The following SLC8A1 variants were observed in gnomAD, a reference collection of about 807,000 sequenced individuals.
SLC8A1 encodes the protein solute carrier family 8 member A1, also known as sodium/calcium exchanger 1.
Under a neutral mutation model 68.3 loss-of-function variants are expected in SLC8A1, and 18 were observed. The observed-to-expected ratio is 0.26, with a 90% CI of 0.18 to 0.39. SLC8A1 has a LOEUF of 0.39. Among genes scored for constraint, SLC8A1 ranks in the 10% least tolerant of loss-of-function variants. The pLI is 1.00. For missense variants in SLC8A1, 985 were observed against 1,156.7 expected, an observed-to-expected ratio of 0.85 and a Z score of 2.15; for synonymous variants, 475 against 415.5, an observed-to-expected ratio of 1.14 and a Z score of -1.74.
rs180860520 is a variant in SLC8A1 at position 40,497,135 on chromosome 2, A to G, written c.-25+15214T>C. On this transcript the variant is annotated intron_variant, in intron 1 of 7. Transcript: ENST00000402441. ...GGACTTTAGAATGCAAAGAAAAAAT[A>G]GGATTATTAAAATTAGTTTAACAGC... Among the ~76,000 whole-genome samples, 1,174 of 152,272 alleles carry G rather than the reference A, an allele frequency of 7.7e-3. 3 individuals are homozygous for G. The highest frequency in any genetic ancestry group is 0.012 in the Non-Finnish European group (784 of 68,004).
intron 2 of SLC8A1, among the ~76,000 whole-genome samples, chr2:40,239,077 G>T (rs990734274): frequency 6.6e-6 from 1 of 151,866 alleles, no homozygotes; most frequent in African/African-American, 2.4e-5. Context: ...TTTTATGGAG[G>T]CTTCTAAATT....
chr2:40,427,635 G>A (rs566877899), intron 2 of SLC8A1, among the ~76,000 whole-genome samples: 4 of 152,088 alleles, frequency 2.6e-5, no homozygotes, highest in African/African-American at 9.7e-5. Flanking sequence ...CTCAGTCGAA[G>A]AATCACTTAA....
At position 40,200,173 on chromosome 2, in the gene SLC8A1, G is replaced by GAGATATATAT. The variant is rs1553407546; in HGVS notation, c.1809-22319_1809-22318insATATATATCT. Among the ~76,000 whole-genome samples, 9 of 4,750 alleles carry GAGATATATAT rather than the reference G, an allele frequency of 1.9e-3. 1 individual carries two copies. The highest frequency in any genetic ancestry group is 4.7e-3 in the Non-Finnish European group (6 of 1,274). The allele number at this position is 4,750 out of a possible 152,430, so 3.1% of individuals were successfully genotyped here. On this transcript the variant is annotated intron_variant, in intron 2 of 7. Coordinates refer to ENST00000406785, the Ensembl canonical transcript of SLC8A1. ...AGCACATAGAGGATTTCAAGTCATTGATATATATATATATATATTTATATA... is the reference window on the plus strand; with the variant it reads ...AGCACATAGAGGATTTCAAGTCATTGAGATATATATATATATATATATATATATTTATATA...
chr2:40,142,198 C>T (rs1251710488), intron 6 of SLC8A1, among the ~76,000 whole-genome samples: 1 of 151,858 alleles, frequency 6.6e-6, no homozygotes, highest in Non-Finnish European at 1.5e-5. Flanking sequence ...TTTTACTTTC[C>T]TTACCACTTC....
chr2:40,336,121 T>C (rs78298835), intron 2 of SLC8A1, among the ~76,000 whole-genome samples: 21,773 of 152,080 alleles, frequency 0.14, 2,064 homozygotes, highest in African/African-American at 0.25. Flanking sequence ...GGCTGTTCTC[T>C]ACAATGCTCC....
chr2:40,357,844 T>C (rs879709420), intron 2 of SLC8A1, among the ~76,000 whole-genome samples: 1 of 152,096 alleles, frequency 6.6e-6, no homozygotes, highest in Non-Finnish European at 1.5e-5. Flanking sequence ...TGATGGCTTC[T>C]CTCTCCCCCT....
Position 40,431,470 on chromosome 2 carries a change from G to A in SLC8A1, c.-24-1166C>T, listed in dbSNP as rs1444919446. Among the ~76,000 whole-genome samples the A allele has an allele frequency of 3.3e-5, 5 of 152,004 alleles. No individual in the cohort carries two copies. In the East Asian group the frequency reaches 7.7e-4, roughly 24 times the overall value. On this transcript the variant is annotated intron_variant, in intron 1 of 7. Transcript: ENST00000406785. ...CACACAAAGCTTGGTAGGCATAGCA[G>A]TGGACTCAACCACCATGGCCTTAAG...
At chr2:40,303,711 A>C (rs2149276068) in intron 2 of SLC8A1, among the ~76,000 whole-genome samples, 1 of 152,280 alleles carries the variant, frequency 6.6e-6, no homozygotes, top group South Asian at 2.1e-4. Context: ...ACTCGGAGGA[A>C]TCCTTGGTGA....
chr2:40,405,749 A>AT (rs1438677818), intron 2 of SLC8A1, among the ~76,000 whole-genome samples: 2 of 151,840 alleles, frequency 1.3e-5, no homozygotes, highest in East Asian at 3.9e-4. Flanking sequence ...CAGGTGCCTT[A>AT]TTTTTTTCCT....
At chr2:40,358,719 G>A (rs1373186135) in intron 2 of SLC8A1, among the ~76,000 whole-genome samples, 2 of 152,164 alleles carry the variant, frequency 1.3e-5, no homozygotes, top group African/African-American at 2.4e-5. Context: ...GGTGCTGCTA[G>A]GATTCTAAGT....
At chr2:40,103,234 C>T (rs1025243476) in exon 8 of SLC8A1, 2 of 152,262 alleles carry the variant, frequency 1.3e-5, no homozygotes, top group African/African-American at 2.4e-5. Context: ...ACTATGGTTG[C>T]TTTTTCTTTC....
At chr2:40,242,118 TAA>T (rs2061302560) in intron 2 of SLC8A1, among the ~76,000 whole-genome samples, 1 of 151,926 alleles carries the variant, frequency 6.6e-6, no homozygotes, top group Admixed American at 6.6e-5. Context: ...CCTTACAATT[TAA>T]GTGTGAGAAG....
intron 2 of SLC8A1, among the ~76,000 whole-genome samples, chr2:40,376,412 C>T (rs748535446): frequency 5.3e-5 from 8 of 152,098 alleles, no homozygotes; most frequent in Non-Finnish European, 1.0e-4. Context: ...AAAAGCAAGT[C>T]TCAGACTAAA....
chr2:40,452,778 C>T (rs1188095031), upstream of SLC8A1, among the ~76,000 whole-genome samples: 2 of 150,664 alleles, frequency 1.3e-5, no homozygotes, highest in African/African-American at 4.9e-5. Context: ...GAGGGTGTCC[C>T]CCGGCCAAGA....
At chr2:40,358,121 A>G (rs1008392821) in intron 2 of SLC8A1, among the ~76,000 whole-genome samples, 5 of 151,906 alleles carry the variant, frequency 3.3e-5, no homozygotes, top group Non-Finnish European at 5.9e-5. Flanking sequence ...ATGAATGGGA[A>G]ACTGAAGAAA....
chr2:40,189,162 C>T (rs914326315), intron 2 of SLC8A1, among the ~76,000 whole-genome samples: 23 of 152,048 alleles, frequency 1.5e-4, no homozygotes, highest in African/African-American at 5.1e-4. Flanking sequence ...AAACTTGATT[C>T]TAAACAGAGT....
At chr2:40,197,976 G>C (rs2053407675) in intron 2 of SLC8A1, among the ~76,000 whole-genome samples, 1 of 151,878 alleles carries the variant, frequency 6.6e-6, no homozygotes, top group Non-Finnish European at 1.5e-5. Flanking sequence ...AGTTCTGGCA[G>C]CTCCCTATAG....
intron 2 of SLC8A1, among the ~76,000 whole-genome samples, chr2:40,382,853 T>C (rs1379388515): frequency 6.6e-6 from 1 of 152,120 alleles, no homozygotes; most frequent in Non-Finnish European, 1.5e-5. Context: ...TACTTTGACA[T>C]TTTGATTAAC....
chr2:40,276,078 C>G (rs1424870047), intron 2 of SLC8A1, among the ~76,000 whole-genome samples: 4 of 152,202 alleles, frequency 2.6e-5, no homozygotes, highest in Non-Finnish European at 5.9e-5. Context: ...ATCTACTTGT[C>G]TATCTAAATT....
Sources: gnomAD v4.1 joint callset for allele counts (sites outside exome capture counted in the v4.1 genomes callset) on GRCh38, gnomAD v4.1.1 for gene constraint, MANE v1.5 for transcripts, NCBI Gene and HGNC (gene_info 2026-07-23, HGNC 2026-07-21) for gene names.